Variants in ANO10 observed in about 807,000 individuals in gnomAD.
The protein encoded by ANO10 is anoctamin-10.
Under a neutral mutation model 74.7 loss-of-function variants are expected in ANO10, and 77 were observed. That is an observed-to-expected ratio of 1.03 (90% CI 0.86 to 1.25). ANO10 has a LOEUF of 1.25. Ranked by LOEUF, ANO10 falls within the 50% of genes most tolerant of loss-of-function variation. The pLI is 0.00. For synonymous variants in ANO10, 279 were observed against 284.9 expected (o/e 0.98, Z 0.21); for missense variants, 721 against 778.1 (o/e 0.93, Z 0.87).
chr3:43,500,890 TCAACAA>T (rs150034760), intron 11 of ANO10, among the ~76,000 whole-genome samples: 1 of 152,058 alleles, frequency 6.6e-6, no homozygotes, highest in African/African-American at 2.4e-5. Flanking sequence ...AGAATGGTGA[TCAACAA>T]CAACAACAAC....
intron 11 of ANO10, among the ~76,000 whole-genome samples, chr3:43,524,558 G>A (rs983921955): frequency 1.3e-5 from 2 of 152,158 alleles, no homozygotes; most frequent in African/African-American, 2.4e-5. Context: ...GTGTTGCACA[G>A]TTGGGGCAGG....
intron 11 of ANO10, among the ~76,000 whole-genome samples, chr3:43,481,827 C>T (rs556156699): frequency 6.6e-6 from 1 of 152,192 alleles, no homozygotes; most frequent in East Asian, 1.9e-4. Context: ...CCAAATCACA[C>T]TAAAATGACA....
intron 10 of ANO10, among the ~76,000 whole-genome samples, chr3:43,552,806 T>C (rs1575410237): frequency 6.6e-6 from 1 of 151,528 alleles, no homozygotes; most frequent in Non-Finnish European, 1.5e-5. Flanking sequence ...CACTATTTTC[T>C]TTTTGAGATG....
intron 12 of ANO10, among the ~76,000 whole-genome samples, chr3:43,389,936 G>C (rs764233806): frequency 6.6e-6 from 1 of 152,164 alleles, no homozygotes; most frequent in Middle Eastern, 3.4e-3. Flanking sequence ...CAAAACAGCG[G>C]GTTGAGTCAG....
intron 7 of ANO10, among the ~76,000 whole-genome samples, chr3:43,572,452 A>C (rs893061537): frequency 7.2e-5 from 11 of 152,158 alleles, no homozygotes; most frequent in African/African-American, 2.7e-4. Context: ...CTGATATAAG[A>C]GGCCTCTTCA....
intron 12 of ANO10, among the ~76,000 whole-genome samples, chr3:43,407,814 G>A (rs2092602597): frequency 6.6e-6 from 1 of 152,184 alleles, no homozygotes. Context: ...ATGTGCAAAG[G>A]CAAAAGAACA....
chr3:43,562,112 T>C (rs2080066276), intron 8 of ANO10, among the ~76,000 whole-genome samples: 1 of 152,104 alleles, frequency 6.6e-6, no homozygotes, highest in Non-Finnish European at 1.5e-5. Flanking sequence ...GGCTCATGCC[T>C]GTAATCCCAG....
At chr3:43,613,314 T>C (rs1374067296) in intron 1 of ANO10, among the ~76,000 whole-genome samples, 1 of 152,140 alleles carries the variant, frequency 6.6e-6, no homozygotes. Context: ...AAATAGCTAA[T>C]AATGCAGTCA....
rs1048940718 is a variant in ANO10, at chr3:43,628,202, G to A, written c.-11-22339C>T. 6.6e-5 allele frequency among the ~76,000 whole-genome samples: 10 copies of A among 152,188 alleles called. No homozygotes were observed. In the East Asian group the frequency reaches 1.2e-3, roughly 18 times the overall value. On this transcript the variant is annotated intron_variant, in intron 1 of 3. Coordinates refer to the ANO10 transcript ENST00000413397. Reference sequence around the variant, plus strand: ...GTCAGGGACCCCAAACGGAGGGACCGACTGAAGCCATGGCAGAAGAACATG... The same window carrying A: ...GTCAGGGACCCCAAACGGAGGGACCAACTGAAGCCATGGCAGAAGAACATG...
chr3:43,645,001 C>A (rs192033034), intron 1 of ANO10, among the ~76,000 whole-genome samples: 1 of 152,158 alleles, frequency 6.6e-6, no homozygotes, highest in East Asian at 1.9e-4. Flanking sequence ...AAATACATAC[C>A]AATCCATCTG....
At chr3:43,648,866 A>T (rs1320178506) in intron 1 of ANO10, among the ~76,000 whole-genome samples, 2 of 151,376 alleles carry the variant, frequency 1.3e-5, no homozygotes, top group Non-Finnish European at 2.9e-5. Context: ...TTTAGTAGAG[A>T]CGGGGTTTCA....
chr3:43,504,639 A>T (rs2077227426), intron 11 of ANO10, among the ~76,000 whole-genome samples: 1 of 151,868 alleles, frequency 6.6e-6, no homozygotes, highest in Non-Finnish European at 1.5e-5. Context: ...GACAGAAATA[A>T]TTATTTATTT....
At position 43,366,537 on chromosome 3, in the gene ANO10, G is replaced by A. The variant is rs1385188350; in HGVS notation, c.*369C>T. On this transcript the variant is annotated 3_prime_UTR_variant, in exon 13 of 13. Transcript: ENST00000292246. Reference sequence around the variant, plus strand: ...ATCCCCAACCTGTCCACGGGTCCCTGGGCCATGGTGGGGTTGGGAGTGACA... The same window carrying A: ...ATCCCCAACCTGTCCACGGGTCCCTAGGCCATGGTGGGGTTGGGAGTGACA... The A allele has an allele frequency of 1.0e-5, 4 of 385,886 alleles. No homozygotes were observed. The East Asian group carries it at 2.5e-4, about 24-fold the overall frequency. The allele number at this position is 385,886 out of a possible 1,614,324, so 23.9% of individuals were successfully genotyped here. A position where few individuals can be genotyped will look rare whatever the true frequency, so the allele number is the denominator to read the frequency against.
At chr3:43,655,357 C>T (rs1161250775) in intron 1 of ANO10, among the ~76,000 whole-genome samples, 1 of 152,090 alleles carries the variant, frequency 6.6e-6, no homozygotes, top group African/African-American at 2.4e-5. Flanking sequence ...GTCTCGCTGG[C>T]TCAGGAGTGA....
At chr3:43,603,386 T>C (rs1323004971) in intron 2 of ANO10, among the ~76,000 whole-genome samples, 2 of 152,100 alleles carry the variant, frequency 1.3e-5, no homozygotes, top group Admixed American at 1.3e-4. Flanking sequence ...TATTTTCCAA[T>C]TCTTTACCTT....
At chr3:43,399,306 G>A (rs1466066606) in intron 12 of ANO10, among the ~76,000 whole-genome samples, 8 of 152,152 alleles carry the variant, frequency 5.3e-5, no homozygotes, top group African/African-American at 9.6e-5. Context: ...TGCCAATAAC[G>A]CCTTTTTGTT....
At chr3:43,506,423 T>A (rs2077296170) in intron 11 of ANO10, among the ~76,000 whole-genome samples, 2 of 152,186 alleles carry the variant, frequency 1.3e-5, no homozygotes, top group African/African-American at 2.4e-5. Flanking sequence ...CTGCCTTTGC[T>A]CATATCCTGT....
At chr3:43,572,232 C>G (rs553803779) in intron 7 of ANO10, among the ~76,000 whole-genome samples, 1 of 152,236 alleles carries the variant, frequency 6.6e-6, no homozygotes, top group East Asian at 1.9e-4. Flanking sequence ...GGAAATCAAT[C>G]AGGACCCCCC....
chr3:43,580,328 TA>T, intron 5 of ANO10, 24 bp downstream of exon 5: 1 of 1,613,286 alleles, frequency 6.2e-7, no homozygotes, highest in Non-Finnish European at 8.5e-7. Context: ...TCCTCTTCTT[TA>T]AGAGAACAAG....
Sources: gnomAD v4.1 joint callset for allele counts (sites outside exome capture counted in the v4.1 genomes callset) on GRCh38, gnomAD v4.1.1 for gene constraint, MANE v1.5 for transcripts, NCBI Gene and HGNC (gene_info 2026-07-23, HGNC 2026-07-21) for gene names.